Variants in GABRA4 observed in about 807,000 individuals in gnomAD.
GABRA4 encodes the protein gamma-aminobutyric acid receptor subunit alpha-4.
Under a neutral mutation model 49.7 loss-of-function variants are expected in GABRA4, and 12 were observed. The observed-to-expected ratio is 0.24, with a 90% confidence interval of 0.15 to 0.39. The LOEUF is 0.39. Ranked by LOEUF, GABRA4 falls within the 10% of genes least tolerant of loss-of-function variation. The probability of loss-of-function intolerance (pLI) is 1.00; values close to 1 mark genes in which losing one functional copy is unlikely to be tolerated. For synonymous variants in GABRA4, 288 were observed against 240.2 expected (o/e 1.20, Z -1.84); for missense variants, 506 against 686.0 (o/e 0.74, Z 2.93).
chr4:46,976,354 C>CA (rs71193888), intron 5 of GABRA4, among the ~76,000 whole-genome samples: 24,606 of 51,664 alleles, frequency 0.48, 6,873 homozygotes, highest in African/African-American at 0.58. Flanking sequence ...CACCCATTCT[C>CA]AAAAAAAAAA....
intron 8 of GABRA4, among the ~76,000 whole-genome samples, chr4:46,957,721 C>A (rs1392100842): frequency 6.6e-6 from 1 of 151,940 alleles, no homozygotes; most frequent in Non-Finnish European, 1.5e-5. Flanking sequence ...TCCAATCAGT[C>A]ATTAAGTCTT....
At chr4:46,963,804 G>A (rs748481616) in intron 8 of GABRA4, among the ~76,000 whole-genome samples, 1 of 151,664 alleles carries the variant, frequency 6.6e-6, no homozygotes, top group Non-Finnish European at 1.5e-5. Context: ...GCAGGCAATA[G>A]CAAACACTGG....
intron 8 of GABRA4, among the ~76,000 whole-genome samples, chr4:46,933,579 T>G (rs1390042288): frequency 6.6e-5 from 10 of 152,196 alleles, no homozygotes; most frequent in Admixed American, 6.5e-4. Flanking sequence ...AGTTTTACTC[T>G]GTTAAAAGTA....
intron 8 of GABRA4, among the ~76,000 whole-genome samples, chr4:46,957,784 G>A (rs1722419819): frequency 6.6e-6 from 1 of 151,778 alleles, no homozygotes; most frequent in African/African-American, 2.4e-5. Flanking sequence ...TACTAGATAG[G>A]TGACCTTGGG....
chr4:46,957,379 T>C (rs1446789646), intron 8 of GABRA4, among the ~76,000 whole-genome samples: 10 of 152,034 alleles, frequency 6.6e-5, no homozygotes, highest in Non-Finnish European at 1.3e-4. Context: ...AATAGCTCTT[T>C]ACTTTTGCAA....
rs187460935 is a variant in GABRA4 at position 46,943,516 on chromosome 4, A to T, written c.1135-14761T>A. 2.0e-3 allele frequency among the ~76,000 whole-genome samples: 310 copies of T among 152,278 alleles called. 5 individuals are homozygous for T. Among genetic ancestry groups the T allele is most frequent in the African/African-American group, 7.1e-3 (297 of 41,566 alleles). ...AATGTGATCATGTCAATTTCTTATT[A>T]AAACTTTTTCAGCGGCACCTGATTG... On this transcript the variant is annotated intron_variant, in intron 8 of 8. Transcript: ENST00000264318.
At chr4:46,943,792 A>G (rs183850471) in intron 8 of GABRA4, among the ~76,000 whole-genome samples, 5 of 152,114 alleles carry the variant, frequency 3.3e-5, no homozygotes, top group African/African-American at 1.2e-4. Context: ...CTTTATAAAC[A>G]TTATTTATTT....
At position 46,965,004 on chromosome 4, in the gene GABRA4, A is replaced by G; in HGVS notation, c.1100T>C (p.Val367Ala). The change falls in exon 8 of 9, where the codon GTG becomes GCG. Residue 367 changes from valine (V) to alanine (A), a missense_variant. Val to Ala is a moderately conservative substitution (Grantham distance 64). Coordinates refer to ENST00000264318, the MANE Select transcript of GABRA4 (RefSeq NM_000809.4). ...GGCTTCAGGATGCTTCTCTCTCTGCACTGGAGCAGCGGGAACTTCCTGAGG... is the reference window on the plus strand; with the variant it reads ...GGCTTCAGGATGCTTCTCTCTCTGCGCTGGAGCAGCGGGAACTTCCTGAGG... The part of the protein sequence containing the change: ...KPPQEVPAAP[V>A]QREKHPEAPL... 1.2e-6 allele frequency: 2 copies of G among 1,611,638 alleles called. No individual in the cohort carries two copies. Among genetic ancestry groups the G allele is most frequent in the Non-Finnish European group, 1.7e-6 (2 of 1,178,584 alleles).
At chr4:46,936,760 G>A (rs2109343110) in intron 8 of GABRA4, among the ~76,000 whole-genome samples, 1 of 152,174 alleles carries the variant, frequency 6.6e-6, no homozygotes, top group African/African-American at 2.4e-5. Flanking sequence ...TAAATATATT[G>A]GAATATTTAA....
chr4:46,971,084 A>G lies in GABRA4; in HGVS notation c.873T>C (p.Phe291=), dbSNP rs528904674. The change falls in exon 7 of 9, where the codon TTT becomes TTC. Residue 291 remains phenylalanine, a splice_region_variant and synonymous_variant. Transcript: ENST00000264318. Reference sequence around the variant, plus strand: ...GCCCAAGAAATGAATTGCAATTACCAAATACAGTCCTAGCGGGAACTGATT... The same window carrying G: ...GCCCAAGAAATGAATTGCAATTACCGAATACAGTCCTAGCGGGAACTGATT... ...NKESVPARTV[F]GITTVLTMTT... 3.4e-5 allele frequency: 54 copies of G among 1,605,168 alleles called. 2 individuals carry two copies. In the South Asian group the frequency reaches 5.4e-4, roughly 16 times the overall value.
chr4:46,946,366 T>C (rs1721983674), intron 8 of GABRA4, among the ~76,000 whole-genome samples: 1 of 152,120 alleles, frequency 6.6e-6, no homozygotes, highest in Non-Finnish European at 1.5e-5. Context: ...GTCACTATTA[T>C]AAATATTTTG....
intron 8 of GABRA4, among the ~76,000 whole-genome samples, chr4:46,957,516 G>T (rs943447120): frequency 1.2e-4 from 19 of 152,046 alleles, no homozygotes; most frequent in Admixed American, 1.1e-3. Context: ...ATACAGTAGA[G>T]AATTTTGCAC....
At chr4:46,935,040 C>A (rs983044136) in intron 8 of GABRA4, among the ~76,000 whole-genome samples, 1 of 152,158 alleles carries the variant, frequency 6.6e-6, no homozygotes, top group Non-Finnish European at 1.5e-5. Flanking sequence ...TGTAGAAAAG[C>A]AGTATTGTGG....
At chr4:46,984,469 G>T (rs1723465922) in intron 2 of GABRA4, among the ~76,000 whole-genome samples, 1 of 152,032 alleles carries the variant, frequency 6.6e-6, no homozygotes, top group Middle Eastern at 3.4e-3. Flanking sequence ...ACACTATAAA[G>T]TTCTGGAAGT....
At position 46,928,212 on chromosome 4, in the gene GABRA4, T is replaced by C. The variant is rs779145788; in HGVS notation, c.*13A>G. 3.8e-6 allele frequency: 6 copies of C among 1,589,634 alleles called. No individual in the cohort carries two copies. The African/African-American group carries it at 8.1e-5, about 21-fold the overall frequency. ...TTTTCATCATCTTTTAGCAAACTAC[T>C]ATAGCAACGAAATTACATTAGACTT... On this transcript the variant is annotated 3_prime_UTR_variant, in exon 9 of 9. Coordinates refer to ENST00000264318, the MANE Select transcript of GABRA4 (RefSeq NM_000809.4).
At position 46,928,156 on chromosome 4, in the gene GABRA4, T is replaced by A; in HGVS notation, c.*69A>T. The A allele has an allele frequency of 7.8e-7, 1 of 1,276,996 alleles. No individual in the cohort carries two copies. The highest frequency in any genetic ancestry group is 1.1e-6 in the Non-Finnish European group (1 of 941,064). 79.1% of individuals were successfully genotyped at this position (1,276,996 alleles called of 1,614,324 possible). ...TATTTTAGTAAAGAATATTTGTTTATATTTAAAAACATTTAAAAAGACATT... is the reference window on the plus strand; with the variant it reads ...TATTTTAGTAAAGAATATTTGTTTAAATTTAAAAACATTTAAAAAGACATT... On this transcript the variant is annotated 3_prime_UTR_variant, in exon 9 of 9. Coordinates refer to ENST00000264318, the MANE Select transcript of GABRA4 (RefSeq NM_000809.4).
intron 2 of GABRA4, among the ~76,000 whole-genome samples, chr4:46,980,666 T>C (rs956079067): frequency 6.6e-6 from 1 of 152,088 alleles, no homozygotes; most frequent in Non-Finnish European, 1.5e-5. Context: ...AATTAAATTT[T>C]TATTTGAATG....
chr4:46,974,905 G>A (rs1723086426), intron 5 of GABRA4, among the ~76,000 whole-genome samples: 1 of 151,952 alleles, frequency 6.6e-6, no homozygotes, highest in African/African-American at 2.4e-5. Context: ...AATATCCACT[G>A]TGTTTGGGGA....
intron 2 of GABRA4, among the ~76,000 whole-genome samples, chr4:46,989,024 T>A (rs1723641804): frequency 6.6e-6 from 1 of 152,260 alleles, no homozygotes; most frequent in Admixed American, 6.5e-5. Context: ...GAAGTCCTAC[T>A]ATGTTAGTGA....
Sources: gnomAD v4.1 joint callset for allele counts (sites outside exome capture counted in the v4.1 genomes callset) on GRCh38, gnomAD v4.1.1 for gene constraint, MANE v1.5 for transcripts, NCBI Gene and HGNC (gene_info 2026-07-23, HGNC 2026-07-21) for gene names.